BACH1: variants seen among roughly 807,000 people sequenced by gnomAD.
BACH1 encodes transcription regulator protein BACH1.
BACH1 carries 35 observed loss-of-function variants against 52.9 expected under a neutral mutation model. The observed-to-expected ratio is 0.66, with a 90% confidence interval of 0.51 to 0.88. BACH1 has a LOEUF of 0.88. BACH1 is among the 40% of genes least tolerant of loss of function. The pLI, the probability that BACH1 is intolerant of heterozygous loss-of-function variation, is 0.00. For synonymous variants in BACH1, 321 were observed against 319.6 expected (o/e 1.00, Z -0.05); for missense variants, 808 against 872.6 (o/e 0.93, Z 0.93).
chr21:29,307,383 A>G (rs771141884), intron 1 of BACH1, among the ~76,000 whole-genome samples: 2 of 152,008 alleles, frequency 1.3e-5, no homozygotes, highest in Non-Finnish European at 2.9e-5. Flanking sequence ...AAGCTAATTA[A>G]CATGTCCATT....
chr21:29,340,970 T>TAA (rs759190796), intron 4 of BACH1, among the ~76,000 whole-genome samples: 2 of 128,886 alleles, frequency 1.6e-5, no homozygotes, highest in Non-Finnish European at 3.4e-5. Flanking sequence ...TACATCTATT[T>TAA]AAAAAAAAAA....
At chr21:29,336,455 G>T (rs1423723839) in intron 4 of BACH1, among the ~76,000 whole-genome samples, 1 of 151,072 alleles carries the variant, frequency 6.6e-6, no homozygotes, top group Non-Finnish European at 1.5e-5. Flanking sequence ...TTTTCAACCT[G>T]TGTTGCTTAG....
At chr21:29,337,977 G>A (rs941913507) in intron 4 of BACH1, among the ~76,000 whole-genome samples, 1 of 151,910 alleles carries the variant, frequency 6.6e-6, no homozygotes, top group African/African-American at 2.4e-5. Flanking sequence ...CGAGTTAATG[G>A]GTGCAGCACA....
chr21:29,329,265 G>C (rs904828053), intron 3 of BACH1, among the ~76,000 whole-genome samples: 1 of 152,162 alleles, frequency 6.6e-6, no homozygotes, highest in Non-Finnish European at 1.5e-5. Flanking sequence ...CCATGATTGT[G>C]CCACCGTACT....
chr21:29,336,522 G>T (rs1184528885), intron 4 of BACH1, among the ~76,000 whole-genome samples: 1 of 152,048 alleles, frequency 6.6e-6, no homozygotes. Flanking sequence ...CAATACTCCT[G>T]CATCCTTTAG....
chr21:29,353,602 A>G lies in BACH1; in HGVS notation c.472+23909A>G, dbSNP rs563312821. 7.9e-5 allele frequency among the ~76,000 whole-genome samples: 12 copies of G among 152,298 alleles called. No homozygotes were observed. In the East Asian group the frequency reaches 2.3e-3, roughly 29 times the overall value. ...CTGACCACCCACCTCCAGCCTACAGAGGTGGTTGAAAAGACTAAGAAGAGT... is the reference window on the plus strand; with the variant it reads ...CTGACCACCCACCTCCAGCCTACAGGGGTGGTTGAAAAGACTAAGAAGAGT... On this transcript the variant is annotated intron_variant, in intron 2 of 4. Transcript: ENST00000422809.
chr21:29,350,824 A>C (rs1025554193), downstream of BACH1, among the ~76,000 whole-genome samples: 20 of 152,302 alleles, frequency 1.3e-4, no homozygotes, highest in Middle Eastern at 3.4e-3. Context: ...GTGGAGGCAG[A>C]GTCTGGGGGC....
At chr21:29,301,300 C>T (rs775688268) in intron 1 of BACH1, among the ~76,000 whole-genome samples, 2 of 152,156 alleles carry the variant, frequency 1.3e-5, no homozygotes, top group African/African-American at 4.8e-5. Flanking sequence ...CTTAAAGATG[C>T]AGACTAACAA....
intron 1 of BACH1, among the ~76,000 whole-genome samples, chr21:29,318,703 T>C (rs2088815492): frequency 6.6e-6 from 1 of 152,188 alleles, no homozygotes; most frequent in South Asian, 2.1e-4. Flanking sequence ...CAGATGTATG[T>C]AGTTGACTAC....
chr21:29,333,771 A>G (rs2089012027), intron 4 of BACH1, among the ~76,000 whole-genome samples: 1 of 152,262 alleles, frequency 6.6e-6, no homozygotes, highest in Non-Finnish European at 1.5e-5. Flanking sequence ...AAATGTTTGC[A>G]AAGTGGGTTA....
chr21:29,304,677 T>C (rs2088636471), intron 1 of BACH1, among the ~76,000 whole-genome samples: 1 of 152,100 alleles, frequency 6.6e-6, no homozygotes, highest in African/African-American at 2.4e-5. Flanking sequence ...TTTCCAGTTA[T>C]CTCTTCTTTT....
intron 2 of BACH1, among the ~76,000 whole-genome samples, chr21:29,325,720 G>A (rs1479061337): frequency 1.3e-5 from 2 of 152,106 alleles, no homozygotes; most frequent in Non-Finnish European, 2.9e-5. Flanking sequence ...GGCAGGTAGT[G>A]TTCATCCTGC....
intron 1 of BACH1, among the ~76,000 whole-genome samples, chr21:29,305,695 A>G (rs964806750): frequency 6.6e-6 from 1 of 152,190 alleles, no homozygotes; most frequent in South Asian, 2.1e-4. Flanking sequence ...AGGCTAAGGC[A>G]CTGTGTTCTC....
chr21:29,315,443 T>C (rs2088774825), intron 1 of BACH1, among the ~76,000 whole-genome samples: 1 of 152,046 alleles, frequency 6.6e-6, no homozygotes, highest in African/African-American at 2.4e-5. Flanking sequence ...TTGATGAAGG[T>C]GATGTTAGGC....
chr21:29,342,265 T>G, intron 4 of BACH1, 134 bp from the exon 5 acceptor site: 1 of 887,088 alleles, frequency 1.1e-6, no homozygotes. Context: ...TAATGTATAA[T>G]TGAATGGAAT....
intron 4 of BACH1, among the ~76,000 whole-genome samples, chr21:29,330,042 A>G (rs994836921): frequency 6.6e-6 from 1 of 152,204 alleles, no homozygotes; most frequent in African/African-American, 2.4e-5. Flanking sequence ...TTTGGTTGAT[A>G]CCAAAACCAG....
chr21:29,301,634 G>A (rs1033886315), intron 1 of BACH1, among the ~76,000 whole-genome samples: 6 of 152,212 alleles, frequency 3.9e-5, no homozygotes, highest in Non-Finnish European at 8.8e-5. Flanking sequence ...GACAAGCCCA[G>A]CGGTTGGTTT....
intron 2 of BACH1, among the ~76,000 whole-genome samples, chr21:29,323,159 T>A (rs1352696735): frequency 2.0e-5 from 3 of 152,190 alleles, no homozygotes. Context: ...TAATTGAAAT[T>A]TTTATCGAGT....
intron 1 of BACH1, among the ~76,000 whole-genome samples, chr21:29,308,647 A>T (rs558115684): frequency 6.6e-6 from 1 of 152,182 alleles, no homozygotes; most frequent in Non-Finnish European, 1.5e-5. Flanking sequence ...GCAGGGGGTC[A>T]TTTTGGCCAT....
Sources: gnomAD v4.1 joint callset for allele counts (sites outside exome capture counted in the v4.1 genomes callset) on GRCh38, gnomAD v4.1.1 for gene constraint, MANE v1.5 for transcripts, NCBI Gene and HGNC (gene_info 2026-07-23, HGNC 2026-07-21) for gene names.